Variants in LMCD1 observed in about 807,000 individuals in gnomAD.
The protein encoded by LMCD1 is LIM and cysteine rich domains 1.
In LMCD1, 32 loss-of-function variants were observed where a neutral mutation model predicts 42.7. The observed-to-expected ratio is 0.75, with a 90% CI of 0.57 to 1.01. The LOEUF (loss-of-function observed/expected upper bound fraction) is 1.01, where lower values mean the gene tolerates loss of function less well. Among genes scored for constraint, LMCD1 ranks in the 50% least tolerant of loss-of-function variants. LMCD1 has a pLI of 0.00. For synonymous variants in LMCD1, 178 were observed against 184.9 expected (o/e 0.96, Z 0.30); for missense variants, 458 against 483.1 (o/e 0.95, Z 0.49).
chr3:8,550,678 T>C, intron 4 of LMCD1: 3 of 984,938 alleles, frequency 3.0e-6, no homozygotes, highest in Non-Finnish European at 3.6e-6. Flanking sequence ...CCTAAGGATG[T>C]AAAAAAGAAA....
At chr3:8,528,723 A>T (rs968337680) in intron 1 of LMCD1, among the ~76,000 whole-genome samples, 4 of 152,094 alleles carry the variant, frequency 2.6e-5, no homozygotes, top group African/African-American at 9.6e-5. Context: ...TCTCTTTTAC[A>T]TTCCTCTTCC....
At chr3:8,535,843 G>A (rs1482675982) in intron 2 of LMCD1, among the ~76,000 whole-genome samples, 1 of 152,058 alleles carries the variant, frequency 6.6e-6, no homozygotes, top group African/African-American at 2.4e-5. Context: ...TGACATTTTG[G>A]GCCTCATAAT....
Position 8,565,421 on chromosome 3 carries a change from C to T in LMCD1, c.724-11C>T, listed in dbSNP as rs1487335008. 2 of 1,610,706 alleles carry T rather than the reference C, an allele frequency of 1.2e-6. No individual in the cohort carries two copies. The highest frequency in any genetic ancestry group is 2.7e-5 in the African/African-American group (2 of 74,858). On this transcript the variant is annotated splice_polypyrimidine_tract_variant and intron_variant, in intron 4 of 5. Coordinates refer to ENST00000157600, the MANE Select transcript of LMCD1 (RefSeq NM_014583.4). Reference sequence around the variant, plus strand: ...TTCCTTGTCTCCTATGGTCCTTCCCCATCCTTCCAGGTCTGCGAGCTCTGC... The same window carrying T: ...TTCCTTGTCTCCTATGGTCCTTCCCTATCCTTCCAGGTCTGCGAGCTCTGC...
intron 1 of LMCD1, among the ~76,000 whole-genome samples, chr3:8,524,979 C>G (rs985373435): frequency 8.5e-5 from 13 of 152,296 alleles, no homozygotes; most frequent in Admixed American, 7.8e-4. Context: ...GCCACCGAGC[C>G]TAGCCCAAAT....
chr3:8,543,400 TA>T (rs1694668420), intron 3 of LMCD1, among the ~76,000 whole-genome samples: 4 of 95,774 alleles, frequency 4.2e-5, no homozygotes, highest in South Asian at 3.7e-4. Context: ...AGATAGATGA[TA>T]GATAGATAGA....
chr3:8,512,812 G>C (rs191893104), intron 1 of LMCD1, among the ~76,000 whole-genome samples: 3 of 152,286 alleles, frequency 2.0e-5, no homozygotes, highest in Admixed American at 2.0e-4. Flanking sequence ...GATTCTCTAG[G>C]TCAACTGCCT....
At chr3:8,512,058 C>T (rs1694012138) in intron 1 of LMCD1, among the ~76,000 whole-genome samples, 1 of 152,250 alleles carries the variant, frequency 6.6e-6, no homozygotes, top group African/African-American at 2.4e-5. Context: ...AGATCCAGCA[C>T]ATGGCACATG....
At chr3:8,508,200 G>C (rs1693920396) in intron 1 of LMCD1, among the ~76,000 whole-genome samples, 1 of 152,170 alleles carries the variant, frequency 6.6e-6, no homozygotes, top group Non-Finnish European at 1.5e-5. Context: ...CCTTGTCCCA[G>C]AGCTTTCAGG....
intron 1 of LMCD1, among the ~76,000 whole-genome samples, chr3:8,509,952 A>G (rs748191721): frequency 1.3e-5 from 2 of 152,200 alleles, no homozygotes; most frequent in Non-Finnish European, 2.9e-5. Context: ...ACAGCGATAC[A>G]GTGGTAGACC....
At chr3:8,564,103 G>T (rs975372615) in intron 4 of LMCD1, among the ~76,000 whole-genome samples, 3 of 152,118 alleles carry the variant, frequency 2.0e-5, no homozygotes, top group African/African-American at 4.8e-5. Flanking sequence ...AATAAAGTTT[G>T]GACTTTAGTT....
chr3:8,510,052 A>G (rs1693965463), intron 1 of LMCD1, among the ~76,000 whole-genome samples: 1 of 152,230 alleles, frequency 6.6e-6, no homozygotes, highest in South Asian at 2.1e-4. Flanking sequence ...ACCAAAGGGC[A>G]GGAGCATAGG....
At chr3:8,534,617 A>G (rs1694477313) in intron 2 of LMCD1, among the ~76,000 whole-genome samples, 1 of 152,200 alleles carries the variant, frequency 6.6e-6, no homozygotes, top group Non-Finnish European at 1.5e-5. Context: ...TAAACTCTCA[A>G]TTGTTTGTAA....
intron 4 of LMCD1, among the ~76,000 whole-genome samples, chr3:8,558,904 G>C (rs555624583): frequency 9.8e-4 from 149 of 152,222 alleles, no homozygotes; most frequent in African/African-American, 3.4e-3. Flanking sequence ...AAATTCTTGT[G>C]CCCCACCCCA....
chr3:8,516,477 GA>G (rs1694103618), intron 1 of LMCD1, among the ~76,000 whole-genome samples: 1 of 152,130 alleles, frequency 6.6e-6, no homozygotes, highest in Non-Finnish European at 1.5e-5. Flanking sequence ...CCAAACTCAG[GA>G]AAGTGGCGGA....
At chr3:8,557,926 G>A (rs567603103) in intron 4 of LMCD1, among the ~76,000 whole-genome samples, 1 of 152,266 alleles carries the variant, frequency 6.6e-6, no homozygotes, top group Admixed American at 6.5e-5. Flanking sequence ...TAGAGGCTGG[G>A]AAGACACACA....
chr3:8,542,851 G>A (rs1021461607), intron 3 of LMCD1, among the ~76,000 whole-genome samples: 1 of 152,158 alleles, frequency 6.6e-6, no homozygotes, highest in Non-Finnish European at 1.5e-5. Context: ...GTTGTTGTGA[G>A]AATTAAATGG....
intron 3 of LMCD1, 171 bp downstream of exon 3, chr3:8,537,611 A>G: frequency 1.4e-6 from 1 of 701,818 alleles, no homozygotes; most frequent in Non-Finnish European, 2.2e-6. Flanking sequence ...TGAGAAATGA[A>G]GACTATCTGG....
chr3:8,564,969 A>T (rs1285299484), intron 4 of LMCD1, among the ~76,000 whole-genome samples: 1 of 152,118 alleles, frequency 6.6e-6, no homozygotes, highest in African/African-American at 2.4e-5. Context: ...ATGTCTTAAA[A>T]TTTTCTTCTA....
intron 2 of LMCD1, among the ~76,000 whole-genome samples, chr3:8,535,383 C>G (rs1399552861): frequency 1.3e-5 from 2 of 152,174 alleles, no homozygotes; most frequent in Non-Finnish European, 2.9e-5. Flanking sequence ...GGGTCATTTT[C>G]TCCTTTTTGC....
Sources: allele counts gnomAD v4.1 joint callset (sites outside exome capture counted in the v4.1 genomes callset), GRCh38; gene constraint gnomAD v4.1.1; transcripts MANE v1.5; gene names NCBI Gene and HGNC (gene_info 2026-07-23, HGNC 2026-07-21).